Variants in RANBP10 observed in about 807,000 individuals in gnomAD.
RANBP10 encodes the protein ran-binding protein 10.
Under a neutral mutation model 72.8 loss-of-function variants are expected in RANBP10, and 24 were observed. The observed-to-expected ratio is 0.33, with a 90% CI of 0.24 to 0.46. The LOEUF is 0.46. Among genes scored for constraint, RANBP10 ranks in the 20% least tolerant of loss-of-function variants. RANBP10 has a pLI of 1.00. For synonymous variants in RANBP10, 310 were observed against 322.3 expected (o/e 0.96, Z 0.41); for missense variants, 679 against 817.5 (o/e 0.83, Z 2.07).
Position 67,744,323 on chromosome 16 carries a change from C to T in RANBP10, c.533G>A (p.Gly178Asp), listed in dbSNP as rs1024435385. The T allele has an allele frequency of 3.1e-6, 5 of 1,613,978 alleles. No individual in the cohort carries two copies. In the African/African-American group the frequency reaches 6.7e-5, roughly 22 times the overall value. The change falls in exon 4 of 14, where the codon GGC becomes GAC. Residue 178 changes from glycine to aspartate, a missense_variant. Transcript: ENST00000317506. ...GCCATTCTTGGTGTAGAAGCAGGTG[C>T]CATTGATGAGGTTGACACAGCAGCC... The part of the protein sequence containing the change: ...VIGCCVNLIN[G>D]TCFYTKNGHS...
chr16:67,750,074 G>A (rs1441637280), intron 3 of RANBP10, among the ~76,000 whole-genome samples: 1 of 152,236 alleles, frequency 6.6e-6, no homozygotes, highest in African/African-American at 2.4e-5. Context: ...AACCCTGTGT[G>A]TTTGGCACAG....
At chr16:67,774,477 C>T (rs971324601) in intron 2 of RANBP10, among the ~76,000 whole-genome samples, 1 of 152,182 alleles carries the variant, frequency 6.6e-6, no homozygotes, top group Non-Finnish European at 1.5e-5. Flanking sequence ...GCAGCTAGCC[C>T]TCAACACCTT....
At chr16:67,783,003 G>A (rs1472864430) in intron 2 of RANBP10, among the ~76,000 whole-genome samples, 1 of 152,032 alleles carries the variant, frequency 6.6e-6, no homozygotes, top group African/African-American at 2.4e-5. Context: ...ATTAGGGAAC[G>A]TGGCTTTCAC....
chr16:67,802,126 G>A (rs1430857233), intron 2 of RANBP10, among the ~76,000 whole-genome samples: 1 of 151,594 alleles, frequency 6.6e-6, no homozygotes, highest in Non-Finnish European at 1.5e-5. Context: ...CAAAAAAAGG[G>A]AAATGAGCCA....
intron 4 of RANBP10, among the ~76,000 whole-genome samples, chr16:67,743,842 G>A (rs754616188): frequency 4.6e-5 from 7 of 152,108 alleles, no homozygotes; most frequent in Non-Finnish European, 8.8e-5. Flanking sequence ...CAGACCAGAG[G>A]TCTGGCCCTA....
chr16:67,738,135 T>C (rs2053893673), intron 4 of RANBP10, 100 bp from the exon 5 acceptor site: 1 of 1,347,356 alleles, frequency 7.4e-7, no homozygotes, highest in Non-Finnish European at 9.9e-7. Context: ...AGTTGTTTTT[T>C]TTGGTTTGTT....
At chr16:67,728,034 G>T in intron 11 of RANBP10, 138 bp from the exon 12 acceptor site, 1 of 918,628 alleles carries the variant, frequency 1.1e-6, no homozygotes, top group Non-Finnish European at 1.7e-6. Flanking sequence ...AGGTGAGGCA[G>T]CTACAGTCAA....
At chr16:67,734,426 T>C (rs889108408) in intron 6 of RANBP10, among the ~76,000 whole-genome samples, 22 of 152,328 alleles carry the variant, frequency 1.4e-4, no homozygotes, top group African/African-American at 5.3e-4. Context: ...CCACCACCGC[T>C]ATAGACGAAT....
At chr16:67,751,782 GGC>G (rs1350512686) in intron 3 of RANBP10, among the ~76,000 whole-genome samples, 1 of 151,994 alleles carries the variant, frequency 6.6e-6, no homozygotes, top group Non-Finnish European at 1.5e-5. Context: ...TGGGCGTGGT[GGC>G]GTGCTCCTGT....
chr16:67,784,838 A>G (rs1260446122), intron 2 of RANBP10, among the ~76,000 whole-genome samples: 2 of 151,974 alleles, frequency 1.3e-5, no homozygotes, highest in East Asian at 3.9e-4. Context: ...AAAGAAAAAG[A>G]AAAGAAAAGA....
intron 2 of RANBP10, among the ~76,000 whole-genome samples, chr16:67,798,461 T>C: frequency 6.6e-6 from 1 of 152,202 alleles, no homozygotes; most frequent in Non-Finnish European, 1.5e-5. Context: ...TTAATCAAGA[T>C]ATCTTAATTA....
At chr16:67,735,156 G>T in intron 5 of RANBP10, 114 bp from the exon 6 acceptor site, 1 of 1,054,552 alleles carries the variant, frequency 9.5e-7, no homozygotes, top group Non-Finnish European at 1.3e-6. Context: ...GTTGCAGCAA[G>T]GCTGGAGGAG....
At chr16:67,746,919 A>G (rs1475654718) in intron 3 of RANBP10, among the ~76,000 whole-genome samples, 1 of 152,154 alleles carries the variant, frequency 6.6e-6, no homozygotes, top group Admixed American at 6.5e-5. Context: ...CAGTTTTTCT[A>G]TCTGTTCATA....
At chr16:67,728,210 T>C (rs1254227980) in intron 11 of RANBP10, among the ~76,000 whole-genome samples, 180 bp downstream of exon 11, 1 of 152,174 alleles carries the variant, frequency 6.6e-6, no homozygotes, top group Non-Finnish European at 1.5e-5. Context: ...GGCCAGGGCC[T>C]TCGTACATTT....
chr16:67,766,546 A>AC (rs1401836083), intron 3 of RANBP10, among the ~76,000 whole-genome samples: 1 of 151,318 alleles, frequency 6.6e-6, no homozygotes, highest in African/African-American at 2.4e-5. Context: ...GGAGTCTGGT[A>AC]CCCCCCGCCC....
At chr16:67,768,852 TAA>T (rs1365540897) in intron 3 of RANBP10, among the ~76,000 whole-genome samples, 1 of 152,268 alleles carries the variant, frequency 6.6e-6, no homozygotes, top group African/African-American at 2.4e-5. Context: ...TATTTTGTTT[TAA>T]TTACATTTAT....
intron 3 of RANBP10, among the ~76,000 whole-genome samples, chr16:67,758,175 G>A (rs1029997805): frequency 2.0e-5 from 3 of 152,202 alleles, no homozygotes; most frequent in African/African-American, 7.2e-5. Flanking sequence ...GGGTCTAGCT[G>A]GGTCTGGATA....
At chr16:67,775,542 G>A (rs765891165) in intron 2 of RANBP10, among the ~76,000 whole-genome samples, 3 of 152,096 alleles carry the variant, frequency 2.0e-5, no homozygotes, top group Non-Finnish European at 2.9e-5. Flanking sequence ...GCCAGGTGTG[G>A]TGGCTCATGC....
At chr16:67,790,342 T>C (rs1160125788) in intron 2 of RANBP10, among the ~76,000 whole-genome samples, 1 of 151,698 alleles carries the variant, frequency 6.6e-6, no homozygotes, top group Non-Finnish European at 1.5e-5. Flanking sequence ...GAGTTTCTGT[T>C]TGGGGTGATG....
Sources: gnomAD v4.1 joint callset for allele counts (sites outside exome capture counted in the v4.1 genomes callset) on GRCh38, gnomAD v4.1.1 for gene constraint, MANE v1.5 for transcripts, NCBI Gene and HGNC (gene_info 2026-07-23, HGNC 2026-07-21) for gene names.